The following CLYBL variants were observed in gnomAD, a reference collection of about 807,000 sequenced individuals.
CLYBL encodes the protein citramalyl-CoA lyase, mitochondrial.
A neutral mutation model predicts 38.9 loss-of-function variants in CLYBL; 31 were observed. That is an observed-to-expected ratio of 0.80 (90% CI 0.60 to 1.08). CLYBL has a LOEUF of 1.08. CLYBL is among the 50% of genes least tolerant of loss of function. The pLI is 0.00. For missense variants in CLYBL, 434 were observed against 411.6 expected (o/e 1.05, Z -0.47); for synonymous variants, 171 against 158.6 (o/e 1.08, Z -0.59).
chr13:99,652,828 C>A (rs374501801), intron 1 of CLYBL, among the ~76,000 whole-genome samples: 1 of 152,200 alleles, frequency 6.6e-6, no homozygotes, highest in Non-Finnish European at 1.5e-5. Flanking sequence ...AAGCTTATTG[C>A]TTCTTAAGAA....
intron 1 of CLYBL, among the ~76,000 whole-genome samples, chr13:99,772,110 T>G (rs1172434147): frequency 1.3e-5 from 2 of 152,190 alleles, no homozygotes; most frequent in Non-Finnish European, 2.9e-5. Flanking sequence ...CGTTAGTTTT[T>G]TTTTTCTACT....
chr13:99,658,631 G>A (rs1252883854), intron 1 of CLYBL, among the ~76,000 whole-genome samples: 5 of 152,128 alleles, frequency 3.3e-5, no homozygotes, highest in Non-Finnish European at 7.3e-5. Context: ...GGTGTGGACA[G>A]GAACAAGGAG....
At chr13:99,709,659 ACTTT>A (rs2048197624) in intron 1 of CLYBL, among the ~76,000 whole-genome samples, 1 of 152,164 alleles carries the variant, frequency 6.6e-6, no homozygotes, top group Non-Finnish European at 1.5e-5. Context: ...CATTCTTCTC[ACTTT>A]CTAAGCTTGA....
chr13:99,854,525 C>T (rs1195307171), intron 2 of CLYBL, among the ~76,000 whole-genome samples: 2 of 151,910 alleles, frequency 1.3e-5, no homozygotes, highest in African/African-American at 4.8e-5. Context: ...CCAAACTATA[C>T]TGTACTTCAC....
intron 2 of CLYBL, among the ~76,000 whole-genome samples, chr13:99,792,887 TTA>T (rs151141715): frequency 0.024 from 3,580 of 152,240 alleles, 72 homozygotes; most frequent in Non-Finnish European, 0.036. Context: ...TGGCTTATTA[TTA>T]GTCTTTATTA....
At chr13:99,756,515 G>C (rs974351557) in intron 1 of CLYBL, among the ~76,000 whole-genome samples, 5 of 152,192 alleles carry the variant, frequency 3.3e-5, no homozygotes, top group Admixed American at 1.3e-4. Context: ...TCCAACCTGT[G>C]GCCTGTGGGC....
At chr13:99,613,021 T>C (rs1306190251) in intron 1 of CLYBL, among the ~76,000 whole-genome samples, 1 of 27,830 alleles carries the variant, frequency 3.6e-5, no homozygotes, top group African/African-American at 7.8e-5. Flanking sequence ...TTAAAAATAG[T>C]GATGATAATA....
intron 1 of CLYBL, 86 bp downstream of exon 1, chr13:99,606,843 C>G: frequency 7.7e-7 from 1 of 1,293,802 alleles, no homozygotes; most frequent in Non-Finnish European, 9.8e-7. Context: ...CGGGCGCGGC[C>G]TCCCCAAGCC....
chr13:99,897,307 C>G (rs966142788), downstream of CLYBL, among the ~76,000 whole-genome samples: 2 of 152,168 alleles, frequency 1.3e-5, no homozygotes, highest in Non-Finnish European at 2.9e-5. Flanking sequence ...TGCAGAGAGA[C>G]ACACTCCATC....
chr13:99,672,186 A>G (rs1483515817), intron 1 of CLYBL, among the ~76,000 whole-genome samples: 1 of 133,926 alleles, frequency 7.5e-6, no homozygotes, highest in African/African-American at 2.5e-5. Flanking sequence ...TTCTTCGGGA[A>G]TTTCTTTTTT....
At chr13:99,868,191 A>T (rs1375156758) in intron 6 of CLYBL, among the ~76,000 whole-genome samples, 2 of 152,206 alleles carry the variant, frequency 1.3e-5, no homozygotes, top group Non-Finnish European at 2.9e-5. Flanking sequence ...CACACTTCGT[A>T]GGCAGTTTGC....
chr13:99,741,642 C>T (rs540331021), intron 1 of CLYBL, among the ~76,000 whole-genome samples: 6 of 152,330 alleles, frequency 3.9e-5, no homozygotes, highest in South Asian at 2.1e-4. Flanking sequence ...CTCTAGTCCG[C>T]GTTCAAGTAT....
At chr13:99,769,884 C>G (rs1489934272) in intron 1 of CLYBL, among the ~76,000 whole-genome samples, 1 of 152,136 alleles carries the variant, frequency 6.6e-6, no homozygotes, top group Non-Finnish European at 1.5e-5. Context: ...TCTTGAGATA[C>G]ATTAAGTCAC....
chr13:99,724,428 G>T (rs1208460345), intron 1 of CLYBL, among the ~76,000 whole-genome samples: 1 of 152,058 alleles, frequency 6.6e-6, no homozygotes, highest in Non-Finnish European at 1.5e-5. Context: ...GTTCCTGGCG[G>T]TGGAGTATTT....
chr13:99,685,485 A>C (rs967310369), intron 1 of CLYBL, among the ~76,000 whole-genome samples: 1 of 152,218 alleles, frequency 6.6e-6, no homozygotes, highest in Non-Finnish European at 1.5e-5. Flanking sequence ...AACTTGACTG[A>C]CAAAGTTTCA....
intron 1 of CLYBL, among the ~76,000 whole-genome samples, chr13:99,637,388 G>T (rs1365362805): frequency 6.6e-6 from 1 of 152,182 alleles, no homozygotes; most frequent in Non-Finnish European, 1.5e-5. Context: ...GTCAAATCCA[G>T]TCTTTCCAGC....
intron 1 of CLYBL, among the ~76,000 whole-genome samples, chr13:99,665,853 G>A (rs991060854): frequency 6.6e-6 from 1 of 152,176 alleles, no homozygotes; most frequent in Non-Finnish European, 1.5e-5. Context: ...ATCGTGCACC[G>A]TTCAGCCGTT....
chr13:99,618,565 C>T (rs1054680171), intron 1 of CLYBL, among the ~76,000 whole-genome samples: 3 of 152,160 alleles, frequency 2.0e-5, no homozygotes, highest in Non-Finnish European at 4.4e-5. Flanking sequence ...CCACCATGGC[C>T]GGCCCATTTT....
intron 1 of CLYBL, among the ~76,000 whole-genome samples, chr13:99,762,446 A>G (rs924106672): frequency 2.6e-5 from 4 of 152,164 alleles, no homozygotes; most frequent in Non-Finnish European, 4.4e-5. Context: ...ATGTTTGTGG[A>G]GACTTTGTCA....
Sources: allele counts gnomAD v4.1 joint callset (sites outside exome capture counted in the v4.1 genomes callset), GRCh38; gene constraint gnomAD v4.1.1; transcripts MANE v1.5; gene names NCBI Gene and HGNC (gene_info 2026-07-23, HGNC 2026-07-21).